The following TMEM116 variants were observed in gnomAD, a reference collection of about 807,000 sequenced individuals.
The protein encoded by TMEM116 is transmembrane protein 116.
A neutral mutation model predicts 44.3 loss-of-function variants in TMEM116; 38 were observed. That is an observed-to-expected ratio of 0.86 (90% confidence interval 0.66 to 1.12). The LOEUF (loss-of-function observed/expected upper bound fraction) is 1.12. TMEM116 is among the 50% of genes most tolerant of loss of function. TMEM116 has a pLI of 0.00. For synonymous variants in TMEM116, 132 were observed against 144.8 expected (o/e 0.91, Z 0.64); for missense variants, 354 against 401.7 (o/e 0.88, Z 1.01).
At chr12:112,008,141 A>G (rs1398224438) in intron 1 of TMEM116, among the ~76,000 whole-genome samples, 1 of 152,138 alleles carries the variant, frequency 6.6e-6, no homozygotes, top group Non-Finnish European at 1.5e-5. Context: ...TGTTTGCATC[A>G]CTGCACTCAC....
At chr12:111,933,465 G>C (rs1393340820) in intron 9 of TMEM116, among the ~76,000 whole-genome samples, 1 of 150,884 alleles carries the variant, frequency 6.6e-6, no homozygotes, top group Non-Finnish European at 1.5e-5. Context: ...TTTATAAACT[G>C]AATAGGAATT....
In TMEM116 at chr12:111,991,750, GCACT is replaced by G; in HGVS notation, c.210+4_210+7del. 4 of 1,534,008 alleles carry G rather than the reference GCACT, an allele frequency of 2.6e-6. No individual in the cohort carries two copies. Among genetic ancestry groups the G allele is most frequent in the Non-Finnish European group, 3.5e-6 (4 of 1,145,676 alleles). ...TGCAAGGTGCAGTGACAGTCTTGTA[GCACT>G]CACCTGTCCAACTGCTTGTAGGTTA... On this transcript the variant is annotated splice_donor_5th_base_variant and intron_variant, in intron 4 of 10. Transcript: ENST00000552374.
intron 3 of TMEM116, chr12:111,993,995 T>C (rs2076778807): frequency 3.5e-6 from 2 of 579,406 alleles, no homozygotes; most frequent in African/African-American, 3.7e-5. Flanking sequence ...AAGGTCTACT[T>C]CAGCCTCCCT....
At chr12:112,006,067 A>G (rs2077567312) in intron 1 of TMEM116, 1 of 784,400 alleles carries the variant, frequency 1.3e-6, no homozygotes, top group South Asian at 5.8e-5. Context: ...TGAAGCAGTG[A>G]ACAGGTGGCT....
intron 4 of TMEM116, among the ~76,000 whole-genome samples, chr12:111,973,607 G>C (rs1290517716): frequency 1.3e-5 from 2 of 152,292 alleles, no homozygotes; most frequent in African/African-American, 4.8e-5. Context: ...TCCATTTTAA[G>C]AAAGAGCAAA....
intron 4 of TMEM116, among the ~76,000 whole-genome samples, chr12:111,985,014 C>T (rs1336740941): frequency 6.6e-6 from 1 of 151,810 alleles, no homozygotes; most frequent in African/African-American, 2.4e-5. Context: ...TTTACTCATA[C>T]TCAATGATGA....
intron 4 of TMEM116, among the ~76,000 whole-genome samples, chr12:111,968,861 C>T (rs529289727): frequency 7.3e-5 from 11 of 151,332 alleles, no homozygotes; most frequent in Admixed American, 1.3e-4. Context: ...GGGGTGGTGG[C>T]GGGCACCTGT....
intron 4 of TMEM116, among the ~76,000 whole-genome samples, chr12:111,988,518 C>G (rs1486949871): frequency 6.7e-6 from 1 of 149,278 alleles, no homozygotes; most frequent in East Asian, 1.9e-4. Flanking sequence ...ATGGTGAAAC[C>G]CCATCTCCAG....
chr12:111,941,489 AAATTAAAATT>A (rs2072816979), intron 5 of TMEM116, among the ~76,000 whole-genome samples: 1 of 152,026 alleles, frequency 6.6e-6, no homozygotes, highest in African/African-American at 2.4e-5. Context: ...GTGGCTAATT[AAATTAAAATT>A]AATTAAAATT....
chr12:111,975,930 C>T (rs2075641969), intron 4 of TMEM116, among the ~76,000 whole-genome samples: 1 of 152,202 alleles, frequency 6.6e-6, no homozygotes. Flanking sequence ...GTCAAAGGGG[C>T]TTCAGTGTAA....
intron 4 of TMEM116, among the ~76,000 whole-genome samples, chr12:111,956,751 G>C (rs1481174648): frequency 6.6e-6 from 1 of 152,210 alleles, no homozygotes; most frequent in Non-Finnish European, 1.5e-5. Context: ...CTGACCGCGA[G>C]TGGTCTGCCA....
In TMEM116 at chr12:111,996,306, A is replaced by G. The variant is rs556471939; in HGVS notation, c.79-4417T>C. The stretch of plus-strand genomic sequence containing the variant: ...ACAAAATAGAAGATATTTGTAACAC[A>G]TATAACTGACAAAGGATCCAAACTG... On this transcript the variant is annotated intron_variant, in intron 3 of 10. Coordinates refer to ENST00000552374, the MANE Select transcript of TMEM116 (RefSeq NM_001193531.2). 2.2e-4 allele frequency among the ~76,000 whole-genome samples: 33 copies of G among 152,296 alleles called. 1 individual carries two copies. The highest frequency in any genetic ancestry group is 7.5e-4 in the African/African-American group (31 of 41,572).
Position 111,937,254 on chromosome 12 carries a change from A to G in TMEM116, c.366-11T>C. On this transcript the variant is annotated splice_polypyrimidine_tract_variant and intron_variant, in intron 6 of 10. Coordinates refer to ENST00000552374, the MANE Select transcript of TMEM116 (RefSeq NM_001193531.2). ...AGCAGAGGTATCAGGCTGGGAGGGA[A>G]AAAAAGTATCACCCTAATATCCACT... The G allele has an allele frequency of 6.2e-7, 1 of 1,607,062 alleles. No individual in the cohort carries two copies. Among genetic ancestry groups the G allele is most frequent in the East Asian group, 2.2e-5 (1 of 44,784 alleles).
At chr12:111,942,364 C>T (rs2072905818) in intron 5 of TMEM116, among the ~76,000 whole-genome samples, 1 of 152,080 alleles carries the variant, frequency 6.6e-6, no homozygotes. Context: ...GCTCCGCCTC[C>T]CGGGTTCATG....
intron 3 of TMEM116, 126 bp downstream of exon 3, chr12:112,003,674 T>C (rs2077410106): frequency 7.5e-7 from 1 of 1,336,596 alleles, no homozygotes; most frequent in Non-Finnish European, 9.8e-7. Context: ...TATCTCATTG[T>C]ATCATCATGA....
At chr12:111,942,940 T>C (rs952669161) in intron 5 of TMEM116, among the ~76,000 whole-genome samples, 1 of 151,980 alleles carries the variant, frequency 6.6e-6, no homozygotes, top group African/African-American at 2.4e-5. Flanking sequence ...TTATCAGGGA[T>C]ATACAGGGAT....
At chr12:112,000,575 G>T (rs1166665835) in intron 3 of TMEM116, among the ~76,000 whole-genome samples, 1 of 149,626 alleles carries the variant, frequency 6.7e-6, no homozygotes, top group Non-Finnish European at 1.5e-5. Flanking sequence ...CACACAGGCT[G>T]GAGTGCAGTG....
chr12:112,005,885 AATG>A (rs2077555556), intron 1 of TMEM116: 7 of 964,336 alleles, frequency 7.3e-6, no homozygotes, highest in Non-Finnish European at 8.6e-6. Context: ...GTGAGTGAAA[AATG>A]CAGAACAGGA....
intron 4 of TMEM116, among the ~76,000 whole-genome samples, chr12:111,979,145 C>A (rs75200975): frequency 0.015 from 2,342 of 152,136 alleles, 71 homozygotes; most frequent in African/African-American, 0.053. Flanking sequence ...ATGAGTGGAA[C>A]TTCATTGGAA....
Sources: gnomAD v4.1 joint callset for allele counts (sites outside exome capture counted in the v4.1 genomes callset) on GRCh38, gnomAD v4.1.1 for gene constraint, MANE v1.5 for transcripts, NCBI Gene and HGNC (gene_info 2026-07-23, HGNC 2026-07-21) for gene names.